The following RANBP17 variants were observed in gnomAD, a reference collection of about 807,000 sequenced individuals.
The protein encoded by RANBP17 is RAN binding protein 17.
A neutral mutation model predicts 141.2 loss-of-function variants in RANBP17; 158 were observed. That is an observed-to-expected ratio of 1.12 (90% CI 0.98 to 1.28). The LOEUF is 1.28. RANBP17 is among the 50% of genes most tolerant of loss of function. The pLI is 0.00. For missense variants in RANBP17, 1,438 were observed against 1,290.7 expected, an observed-to-expected ratio of 1.11 and a Z score of -1.75; for synonymous variants, 430 against 450.0, an observed-to-expected ratio of 0.96 and a Z score of 0.56.
chr5:171,191,627 C>T (rs920653987), intron 18 of RANBP17, among the ~76,000 whole-genome samples: 3 of 151,648 alleles, frequency 2.0e-5, no homozygotes, highest in African/African-American at 7.3e-5. Context: ...GCGGAGCTTG[C>T]AGTGAGCCGA....
chr5:171,152,378 T>A (rs1758550321), intron 14 of RANBP17, among the ~76,000 whole-genome samples: 1 of 150,516 alleles, frequency 6.6e-6, no homozygotes, highest in Admixed American at 6.6e-5. Flanking sequence ...GAGATCGCTA[T>A]TGCACTCCAG....
At chr5:171,146,294 C>A (rs1319515280) in intron 14 of RANBP17, among the ~76,000 whole-genome samples, 1 of 152,100 alleles carries the variant, frequency 6.6e-6, no homozygotes, top group African/African-American at 2.4e-5. Context: ...AAGGGCAGAA[C>A]AAGAAAATGT....
intron 24 of RANBP17, among the ~76,000 whole-genome samples, chr5:171,258,894 A>G (rs568889193): frequency 6.6e-6 from 1 of 152,302 alleles, no homozygotes; most frequent in South Asian, 2.1e-4. Context: ...TAATTAAACT[A>G]AAAACTGAAT....
chr5:171,198,252 A>G (rs1762092178), intron 18 of RANBP17, among the ~76,000 whole-genome samples: 1 of 152,202 alleles, frequency 6.6e-6, no homozygotes, highest in South Asian at 2.1e-4. Flanking sequence ...GACAGAGAAG[A>G]GATTATAATT....
intron 16 of RANBP17, among the ~76,000 whole-genome samples, chr5:171,173,758 T>G (rs907364926): frequency 6.6e-6 from 1 of 152,174 alleles, no homozygotes; most frequent in African/African-American, 2.4e-5. Flanking sequence ...TCCCCAGAGT[T>G]TCTCTTTCAG....
intron 19 of RANBP17, among the ~76,000 whole-genome samples, chr5:171,202,641 A>C: frequency 6.6e-6 from 1 of 152,158 alleles, no homozygotes; most frequent in Non-Finnish European, 1.5e-5. Flanking sequence ...CTGGAGAGGG[A>C]TAGAGCAATA....
chr5:171,032,395 A>G (rs1781602570), intron 14 of RANBP17, among the ~76,000 whole-genome samples: 1 of 152,178 alleles, frequency 6.6e-6, no homozygotes, highest in African/African-American at 2.4e-5. Context: ...AATAAAGAGG[A>G]CAGGGAGTAA....
chr5:171,242,437 A>G (rs926680987), intron 23 of RANBP17, among the ~76,000 whole-genome samples: 7 of 152,214 alleles, frequency 4.6e-5, no homozygotes, highest in African/African-American at 1.7e-4. Flanking sequence ...AGTCTTCTAA[A>G]TATCGTACTG....
chr5:170,944,336 G>A (rs1343484784), intron 12 of RANBP17, among the ~76,000 whole-genome samples: 1 of 152,122 alleles, frequency 6.6e-6, no homozygotes, highest in Non-Finnish European at 1.5e-5. Context: ...GTGCGATCTC[G>A]GCTCACTGCA....
At position 171,147,339 on chromosome 5, in the gene RANBP17, T is replaced by TTGTGTGTGTGTGTGTGTGTGTG. The variant is rs59202388; in HGVS notation, c.1711-22770_1711-22749dup. 2.9e-5 allele frequency among the ~76,000 whole-genome samples: 3 copies of TTGTGTGTGTGTGTGTGTGTGTG among 104,848 alleles called. 1 individual carries two copies. Among genetic ancestry groups the TTGTGTGTGTGTGTGTGTGTGTG allele is most frequent in the Non-Finnish European group, 5.6e-5 (3 of 53,572 alleles). The allele number at this position is 104,848 out of a possible 152,430, so 68.8% of individuals were successfully genotyped here. On this transcript the variant is annotated intron_variant, in intron 14 of 27. Coordinates refer to ENST00000523189, the MANE Select transcript of RANBP17 (RefSeq NM_022897.5). The stretch of plus-strand genomic sequence containing the variant: ...ATGTAATCATCTTTTCTTGGTTGTT[T>TTGTGTGTGTGTGTGTGTGTGTG]TGTGTGTGTGTGTGTGTGTGTGTGT...
chr5:171,123,428 T>C (rs1756191406), intron 14 of RANBP17, among the ~76,000 whole-genome samples: 1 of 152,228 alleles, frequency 6.6e-6, no homozygotes, highest in Admixed American at 6.5e-5. Context: ...CACATGTATG[T>C]CATTTGGGGG....
chr5:171,029,625 T>G (rs1159731692), intron 14 of RANBP17, among the ~76,000 whole-genome samples: 1 of 152,112 alleles, frequency 6.6e-6, no homozygotes, highest in Non-Finnish European at 1.5e-5. Context: ...AACTTCTGAT[T>G]GTGCCTCAGG....
intron 25 of RANBP17, among the ~76,000 whole-genome samples, chr5:171,277,643 A>G (rs796164053): frequency 0.023 from 2,689 of 117,194 alleles, 269 homozygotes; most frequent in Non-Finnish European, 0.033. Flanking sequence ...GTATGTATAT[A>G]TATATATATA....
chr5:171,237,772 C>T (rs1764629639), intron 22 of RANBP17, among the ~76,000 whole-genome samples: 1 of 151,064 alleles, frequency 6.6e-6, no homozygotes, highest in Non-Finnish European at 1.5e-5. Context: ...GTAGATCTCC[C>T]TCTTAGGAAG....
At chr5:170,975,954 A>G (rs1730128869) in intron 14 of RANBP17, among the ~76,000 whole-genome samples, 1 of 151,726 alleles carries the variant, frequency 6.6e-6, no homozygotes, top group Admixed American at 6.6e-5. Context: ...TCTATTAAAT[A>G]TTGTACTAGG....
chr5:170,906,760 A>G (rs1410017276), intron 5 of RANBP17, among the ~76,000 whole-genome samples: 1 of 151,906 alleles, frequency 6.6e-6, no homozygotes, highest in Non-Finnish European at 1.5e-5. Flanking sequence ...GATTTGACCA[A>G]TAGGACCTTT....
intron 14 of RANBP17, among the ~76,000 whole-genome samples, chr5:171,114,225 T>G (rs938653868): frequency 1.3e-5 from 2 of 152,232 alleles, no homozygotes; most frequent in Non-Finnish European, 2.9e-5. Flanking sequence ...TTCCTCATAT[T>G]TCAGAACCTC....
At chr5:171,080,700 T>G in intron 14 of RANBP17, among the ~76,000 whole-genome samples, 1 of 152,182 alleles carries the variant, frequency 6.6e-6, no homozygotes, top group East Asian at 1.9e-4. Flanking sequence ...CTTAAGGACT[T>G]CAACCTTTTA....
intron 24 of RANBP17, among the ~76,000 whole-genome samples, chr5:171,246,035 C>A (rs887630455): frequency 6.6e-6 from 1 of 152,056 alleles, no homozygotes; most frequent in African/African-American, 2.4e-5. Flanking sequence ...TGTGCCACCA[C>A]GCCTAGCTAA....
Sources: allele counts gnomAD v4.1 joint callset (sites outside exome capture counted in the v4.1 genomes callset), GRCh38; gene constraint gnomAD v4.1.1; transcripts MANE v1.5; gene names NCBI Gene and HGNC (gene_info 2026-07-23, HGNC 2026-07-21).